The following ENKUR variants were observed in gnomAD, a reference collection of about 807,000 sequenced individuals.
ENKUR encodes enkurin, TRPC channel interacting protein.
In ENKUR, 19 loss-of-function variants were observed where a neutral mutation model predicts 27.6. The observed-to-expected ratio is 0.69, with a 90% CI of 0.48 to 1.01. ENKUR has a LOEUF of 1.01. Ranked by LOEUF, ENKUR falls within the 50% of genes least tolerant of loss-of-function variation. The pLI, the probability that ENKUR is intolerant of heterozygous loss-of-function variation, is 0.00. For synonymous variants in ENKUR, 117 were observed against 96.9 expected (o/e 1.21, Z -1.22); for missense variants, 312 against 310.5 (o/e 1.00, Z -0.04).
chr10:25,016,389 A>G (rs1167885673), upstream of ENKUR, among the ~76,000 whole-genome samples: 1 of 152,220 alleles, frequency 6.6e-6, no homozygotes, highest in Non-Finnish European at 1.5e-5. Flanking sequence ...CCTAGTAGAG[A>G]CGGCAAAGCG....
chr10:25,061,417 A>T (rs1851326446), intron 1 of ENKUR: 3 of 398,932 alleles, frequency 7.5e-6, no homozygotes, highest in Admixed American at 4.2e-5. Flanking sequence ...GAACCTCCCA[A>T]CACAAACTGA....
At chr10:25,052,407 A>G (rs1398106987) in intron 2 of ENKUR, among the ~76,000 whole-genome samples, 9 of 152,210 alleles carry the variant, frequency 5.9e-5, no homozygotes. Context: ...ATGGTAAGAT[A>G]TATAATGTTG....
rs765313769 is a variant in ENKUR, at chr10:25,015,401, T to C, written c.77+459A>G. Among the ~76,000 whole-genome samples, 14 of 152,194 alleles carry C rather than the reference T, an allele frequency of 9.2e-5. 2 individuals are homozygous for C. Among genetic ancestry groups the C allele is most frequent in the Non-Finnish European group, 1.5e-5 (1 of 68,032 alleles). On this transcript the variant is annotated intron_variant, in intron 1 of 5. Coordinates refer to ENST00000331161, the MANE Select transcript of ENKUR (RefSeq NM_145010.4). The stretch of plus-strand genomic sequence containing the variant: ...GCTCAAAAGCAAATGTAAATTTATA[T>C]TTCATAAAAATCTTGGGGGAAAAGT...
chr10:25,055,045 C>T (rs1210739245), intron 2 of ENKUR, among the ~76,000 whole-genome samples: 1 of 152,096 alleles, frequency 6.6e-6, no homozygotes, highest in Non-Finnish European at 1.5e-5. Context: ...ATCTCAAGAT[C>T]CTTGGCTATT....
Position 24,999,540 on chromosome 10 carries a change from T to C in ENKUR, c.84A>G (p.Ile28Met). 1 of 1,604,808 alleles carries C rather than the reference T, an allele frequency of 6.2e-7. No individual in the cohort carries two copies. The highest frequency in any genetic ancestry group is 8.5e-7 in the Non-Finnish European group (1 of 1,177,348). Reference sequence around the variant, plus strand: ...CTTTTACAGTTGCCTTAAAAATGGATATGTACCTAAAATTGAATTTTAAAA... The same window carrying C: ...CTTTTACAGTTGCCTTAAAAATGGACATGTACCTAAAATTGAATTTTAAAA... ...LKEPPQPPRYISIFKATVKDD... is the reference protein window; with the variant it reads ...LKEPPQPPRYMSIFKATVKDD... Residue 28 changes from isoleucine to methionine, a missense_variant, in exon 2 of 6, where the codon ATA becomes ATG. Transcript: ENST00000331161.
intron 2 of ENKUR, among the ~76,000 whole-genome samples, chr10:25,021,525 G>C (rs1424329094): frequency 1.3e-5 from 2 of 152,038 alleles, no homozygotes; most frequent in Admixed American, 6.6e-5. Flanking sequence ...AATTCCTTCA[G>C]TACTGTTTAG....
intron 2 of ENKUR, among the ~76,000 whole-genome samples, chr10:25,044,379 A>G (rs1254587863): frequency 3.3e-5 from 5 of 152,056 alleles, no homozygotes; most frequent in Non-Finnish European, 4.4e-5. Context: ...GACCCTTCTT[A>G]GGGTAGGTGT....
intron 1 of ENKUR, among the ~76,000 whole-genome samples, chr10:25,014,392 A>G (rs1850517699): frequency 6.6e-6 from 1 of 152,126 alleles, no homozygotes; most frequent in Non-Finnish European, 1.5e-5. Flanking sequence ...CTTCATAGTA[A>G]AACCAAGAAG....
At chr10:25,013,405 T>C (rs1484519019) in intron 1 of ENKUR, among the ~76,000 whole-genome samples, 1 of 152,214 alleles carries the variant, frequency 6.6e-6, no homozygotes, top group African/African-American at 2.4e-5. Flanking sequence ...AGCTACATAA[T>C]TAGAGGATGG....
intron 2 of ENKUR, chr10:25,024,854 T>G (rs1240912382): frequency 6.2e-7 from 1 of 1,614,102 alleles, no homozygotes; most frequent in Admixed American, 1.7e-5. Context: ...ACTGATTTTA[T>G]AAAAACAGGA....
In ENKUR at chr10:24,982,815, AC is replaced by A. The variant is rs1438880677; in HGVS notation, c.*1554del. 7.2e-5 allele frequency: 11 copies of A among 152,354 alleles called. No individual in the cohort carries two copies. The East Asian group carries it at 2.1e-3, about 29-fold the overall frequency. 9.4% of individuals were successfully genotyped at this position (152,354 alleles called of 1,614,324 possible). The stretch of plus-strand genomic sequence containing the variant: ...ATGTTCATCTAGGACAACACTGTAG[AC>A]CATAGAGAAAAGTCTAGATTCTTTA... On this transcript the variant is annotated 3_prime_UTR_variant, in exon 6 of 6. Transcript: ENST00000331161.
intron 1 of ENKUR, among the ~76,000 whole-genome samples, chr10:25,012,306 T>A (rs1193104555): frequency 1.3e-5 from 2 of 152,182 alleles, no homozygotes; most frequent in Non-Finnish European, 2.9e-5. Flanking sequence ...CCACACAGAA[T>A]TCCCACTGGG....
upstream of ENKUR, among the ~76,000 whole-genome samples, chr10:25,019,794 G>C (rs1850681668): frequency 6.6e-6 from 1 of 152,122 alleles, no homozygotes; most frequent in Non-Finnish European, 1.5e-5. Context: ...AAAAGCCTTG[G>C]AGTGCACTAC....
intron 2 of ENKUR, among the ~76,000 whole-genome samples, chr10:25,057,734 T>G (rs2130497689): frequency 6.6e-6 from 1 of 152,150 alleles, no homozygotes; most frequent in South Asian, 2.1e-4. Flanking sequence ...TAGCTGAATT[T>G]TAGTTTCCCC....
intron 1 of ENKUR, among the ~76,000 whole-genome samples, chr10:25,014,340 G>A (rs1850516456): frequency 6.6e-6 from 1 of 152,108 alleles, no homozygotes. Context: ...ACATTTGGGT[G>A]CCTCTATTTC....
intron 1 of ENKUR, among the ~76,000 whole-genome samples, chr10:25,008,336 G>GTAAA (rs1850362036): frequency 6.6e-6 from 1 of 152,176 alleles, no homozygotes; most frequent in Non-Finnish European, 1.5e-5. Context: ...ATTCTTGGCT[G>GTAAA]TAATTAGTTA....
At chr10:24,994,241 A>C (rs1424741787) in intron 3 of ENKUR, among the ~76,000 whole-genome samples, 2 of 144,818 alleles carry the variant, frequency 1.4e-5, no homozygotes, top group Non-Finnish European at 3.0e-5. Context: ...CTTTTTCTTT[A>C]TCTCTCTCTT....
At chr10:24,994,849 CCT>C (rs200419061) in intron 3 of ENKUR, among the ~76,000 whole-genome samples, 4,371 of 151,838 alleles carry the variant, frequency 0.029, 137 homozygotes, top group African/African-American at 0.078. Flanking sequence ...GGTGAAACCC[CCT>C]GTCTACTAAA....
chr10:25,049,492 C>T (rs1212022857), intron 2 of ENKUR, among the ~76,000 whole-genome samples: 1 of 152,024 alleles, frequency 6.6e-6, no homozygotes, highest in Non-Finnish European at 1.5e-5. Context: ...ATGTTTGTAT[C>T]AAAACAAGAC....
Sources: allele counts gnomAD v4.1 joint callset (sites outside exome capture counted in the v4.1 genomes callset), GRCh38; gene constraint gnomAD v4.1.1; transcripts MANE v1.5; gene names NCBI Gene and HGNC (gene_info 2026-07-23, HGNC 2026-07-21).